The following CHD1 variants were observed in gnomAD, a reference collection of about 807,000 sequenced individuals.
CHD1 encodes chromodomain helicase DNA binding protein 1.
A neutral mutation model predicts 224.2 loss-of-function variants in CHD1; 36 were observed. The ratio of observed to expected loss-of-function variants is 0.16; its 90% confidence interval spans 0.12 to 0.21. The LOEUF (loss-of-function observed/expected upper bound fraction) is 0.21, where lower values mean the gene tolerates loss of function less well. Ranked by LOEUF, CHD1 falls within the 10% of genes least tolerant of loss-of-function variation. The pLI is 1.00. For synonymous variants in CHD1, 668 were observed against 658.3 expected (o/e 1.01, Z -0.23); for missense variants, 1,378 against 1,994.8 (o/e 0.69, Z 5.89).
At position 98,869,868 on chromosome 5, in the gene CHD1, C is replaced by A. The variant is rs199762293; in HGVS notation, c.3993G>T (p.Arg1331Ser). ...EALSGAGSSK[R>S]RKARAKKNKA... ...TATTCTTCTTAGCTCTTGCTTTTCTCCTCTTTGAACTTCCCTAAAAATCAT... is the reference window on the plus strand; with the variant it reads ...TATTCTTCTTAGCTCTTGCTTTTCTACTCTTTGAACTTCCCTAAAAATCAT... The change falls in exon 30 of 36, where the codon AGG becomes AGT. Residue 1331 changes from arginine (R) to serine (S), a missense_variant. By Grantham distance (110) the Arg-to-Ser change is moderately radical. Around this residue, in one of 16 missense-constraint regions of CHD1, gnomAD observed 105 missense variants for 93.4 expected, o/e 1.12. Transcript: ENST00000614616. 1.4e-4 allele frequency: 222 copies of A among 1,598,104 alleles called. No individual in the cohort carries two copies. Among genetic ancestry groups the A allele is most frequent in the Non-Finnish European group, 1.5e-4 (178 of 1,169,286 alleles).
chr5:98,899,347 G>T, intron 8 of CHD1, 133 bp downstream of exon 8: 1 of 627,586 alleles, frequency 1.6e-6, no homozygotes, highest in Non-Finnish European at 2.7e-6. Flanking sequence ...TGTGGACAAA[G>T]ACAGCCAACT....
chr5:98,892,827 GA>G (rs1416821196), intron 14 of CHD1, 114 bp from the exon 15 acceptor site: 40 of 554,228 alleles, frequency 7.2e-5, no homozygotes, highest in South Asian at 1.5e-4. Context: ...CAGATTTTTA[GA>G]AAAAAAAATT....
chr5:98,898,468 ATTT>A (rs745737521), intron 9 of CHD1, 34 bp from the exon 10 acceptor site: 2 of 1,448,040 alleles, frequency 1.4e-6, no homozygotes, highest in Admixed American at 5.2e-5. Flanking sequence ...TTATTTATTT[ATTT>A]TTTTTTACAT....
intron 2 of CHD1, among the ~76,000 whole-genome samples, chr5:98,916,545 CAAAAAAAAAAAAA>C (rs33988135): frequency 3.0e-4 from 12 of 40,420 alleles, no homozygotes; most frequent in African/African-American, 6.5e-4. Flanking sequence ...AACTCCGTCT[CAAAAAAAAAAAAA>C]AAAAAAAAAA....
At chr5:98,907,202 C>T (rs542179413) in intron 2 of CHD1, among the ~76,000 whole-genome samples, 1 of 152,296 alleles carries the variant, frequency 6.6e-6, no homozygotes, top group South Asian at 2.1e-4. Flanking sequence ...ACTCTAGTTG[C>T]ACAGGTTTAT....
intron 3 of CHD1, among the ~76,000 whole-genome samples, chr5:98,904,289 C>T (rs185075667): frequency 1.3e-5 from 2 of 152,186 alleles, no homozygotes; most frequent in East Asian, 1.9e-4. Context: ...AGCGGGGGGC[C>T]GGTAGCAACA....
intron 20 of CHD1, 137 bp from the exon 21 acceptor site, chr5:98,881,512 CT>C (rs375349850): frequency 0.24 from 106,262 of 434,052 alleles, 1,777 homozygotes; most frequent in Middle Eastern, 0.34. Flanking sequence ...TATTAGAATC[CT>C]TTTTTTTTTT....
Position 98,856,150 on chromosome 5 carries a change from A to G in CHD1, c.*230T>C. ...AACATTTTCCATTTCTTTAAAAAAG[A>G]AAACAAAAAAAAGTACTACAATTTT... On this transcript the variant is annotated 3_prime_UTR_variant, in exon 36 of 36. Coordinates refer to ENST00000614616, the MANE Select transcript of CHD1 (RefSeq NM_001270.4). The G allele has an allele frequency of 2.7e-6, 1 of 367,582 alleles. No individual in the cohort carries two copies. The highest frequency in any genetic ancestry group is 4.0e-5 in the Admixed American group (1 of 25,120). 22.8% of individuals were successfully genotyped at this position (367,582 alleles called of 1,614,324 possible). A position where few individuals can be genotyped will look rare whatever the true frequency, so the allele number is the denominator to read the frequency against.
chr5:98,873,862 A>T (rs1477716870), intron 25 of CHD1, 139 bp from the exon 26 acceptor site: 1 of 601,688 alleles, frequency 1.7e-6, no homozygotes, highest in Non-Finnish European at 2.7e-6. Flanking sequence ...AAATGGCAGG[A>T]AACACATAAA....
At position 98,872,538 on chromosome 5, in the gene CHD1, C is replaced by A; in HGVS notation, c.3589G>T (p.Val1197Leu). Residue 1197 changes from valine (V) to leucine (L), a missense_variant, in exon 27 of 36, where the codon GTG becomes TTG. By Grantham distance (32) the Val-to-Leu change is conservative. Around this residue, in one of 16 missense-constraint regions of CHD1, gnomAD observed 286 missense variants for 445.1 expected, o/e 0.64. Transcript: ENST00000614616. The stretch of plus-strand genomic sequence containing the variant: ...GATATTCGGAATGTTGGACCCTTCA[C>A]TTTTCCGAGTCTACCACCTTGATTT... ...TERTGGRLGKVKGPTFRISGV... is the reference protein window; with the variant it reads ...TERTGGRLGKLKGPTFRISGV... 1 of 1,613,198 alleles carries A rather than the reference C, an allele frequency of 6.2e-7. No individual in the cohort carries two copies. The highest frequency in any genetic ancestry group is 8.5e-7 in the Non-Finnish European group (1 of 1,179,740).
intron 2 of CHD1, among the ~76,000 whole-genome samples, chr5:98,923,857 T>C (rs1412728981): frequency 2.0e-5 from 3 of 152,242 alleles, no homozygotes; most frequent in African/African-American, 7.2e-5. Context: ...CATATCCAAC[T>C]AGAAGATTTA....
At chr5:98,869,515 G>A (rs561519533) in intron 30 of CHD1, 1 of 403,270 alleles carries the variant, frequency 2.5e-6, no homozygotes, top group South Asian at 4.8e-5. Context: ...GAAAAGGAAG[G>A]ACCTTTGCTC....
chr5:98,915,349 A>G (rs372348178), intron 2 of CHD1, among the ~76,000 whole-genome samples: 76 of 152,316 alleles, frequency 5.0e-4, no homozygotes, highest in Non-Finnish European at 4.0e-4. Context: ...ATATGATTCT[A>G]TCTCCTTAAA....
At chr5:98,877,190 A>T (rs1011487120) in intron 23 of CHD1, among the ~76,000 whole-genome samples, 33 of 152,290 alleles carry the variant, frequency 2.2e-4, no homozygotes, top group African/African-American at 7.2e-4. Flanking sequence ...AAAAGCAAAT[A>T]ATCTAAATAT....
At chr5:98,878,301 C>T (rs327786) in intron 23 of CHD1, among the ~76,000 whole-genome samples, 97,538 of 152,156 alleles carry the variant, frequency 0.64, 33,985 homozygotes, top group African/African-American at 0.92. Context: ...CAGACCTTTC[C>T]CATCTGCTCA....
chr5:98,898,571 A>C, intron 9 of CHD1, 93 bp downstream of exon 9: 1 of 1,203,998 alleles, frequency 8.3e-7, no homozygotes, highest in Non-Finnish European at 1.2e-6. Context: ...AGAGCAAGCT[A>C]CTGTGTTTGA....
chr5:98,905,209 C>A, intron 2 of CHD1, 111 bp from the exon 3 acceptor site: 1 of 1,287,198 alleles, frequency 7.8e-7, no homozygotes, highest in South Asian at 1.5e-5. Context: ...CTTAATATTT[C>A]AACTATCTTT....
intron 2 of CHD1, among the ~76,000 whole-genome samples, chr5:98,917,850 C>T (rs1752839057): frequency 6.6e-6 from 1 of 152,086 alleles, no homozygotes; most frequent in Non-Finnish European, 1.5e-5. Context: ...CACCTCATAC[C>T]ATAGTGATAC....
At position 98,890,958 on chromosome 5, in the gene CHD1, G is replaced by A. The variant is rs139426411; in HGVS notation, c.2180+1567C>T. Among the ~76,000 whole-genome samples, 534 of 152,154 alleles carry A rather than the reference G, an allele frequency of 3.5e-3. 1 individual carries two copies. The highest frequency in any genetic ancestry group is 0.012 in the African/African-American group (482 of 41,512). ...TATCTCAATCCCAATTCGAGTAAAC[G>A]TAAAAAAATTTTTTGAGACAACAGA... is the stretch of plus-strand genomic sequence containing the variant. On this transcript the variant is annotated intron_variant, in intron 15 of 35. Transcript: ENST00000614616.
Sources: gnomAD v4.1 joint callset for allele counts (sites outside exome capture counted in the v4.1 genomes callset) on GRCh38, gnomAD v4.1.1 for gene constraint, gnomAD v4.1.1 regional missense constraint, MANE v1.5 for transcripts, NCBI Gene and HGNC (gene_info 2026-07-23, HGNC 2026-07-21) for gene names.